Variants in PAPPA2 observed in about 807,000 individuals in gnomAD.
PAPPA2 encodes pappalysin 2.
A neutral mutation model predicts 176.4 loss-of-function variants in PAPPA2; 86 were observed. That is an observed-to-expected ratio of 0.49 (90% CI 0.41 to 0.58). The LOEUF (loss-of-function observed/expected upper bound fraction) is 0.58, where lower values mean the gene tolerates loss of function less well. PAPPA2 is among the 20% of genes least tolerant of loss of function. The probability of loss-of-function intolerance (pLI) is 0.00; values close to 1 mark genes in which losing one functional copy is unlikely to be tolerated. For synonymous variants in PAPPA2, 809 were observed against 852.2 expected (o/e 0.95, Z 0.88); for missense variants, 2,073 against 2,256.9 (o/e 0.92, Z 1.65).
intron 21 of PAPPA2, among the ~76,000 whole-genome samples, chr1:176,828,831 G>A (rs1366569364): frequency 1.7e-4 from 26 of 151,710 alleles, no homozygotes; most frequent in East Asian, 3.9e-4. Flanking sequence ...GTGAAACCCC[G>A]TCTCTACTAA....
At chr1:176,728,614 C>A (rs774244947) in intron 12 of PAPPA2, among the ~76,000 whole-genome samples, 2 of 151,616 alleles carry the variant, frequency 1.3e-5, no homozygotes, top group Admixed American at 6.6e-5. Flanking sequence ...TCCCATAATC[C>A]CAATAAAATC....
At chr1:176,656,246 C>G (rs1305775209) in intron 3 of PAPPA2, among the ~76,000 whole-genome samples, 2 of 151,800 alleles carry the variant, frequency 1.3e-5, no homozygotes, top group Admixed American at 6.6e-5. Flanking sequence ...CATTGCTTCC[C>G]TCTCCTAGGT....
chr1:176,713,051 T>A (rs1305479881), intron 12 of PAPPA2, among the ~76,000 whole-genome samples: 1 of 152,232 alleles, frequency 6.6e-6, no homozygotes, highest in Non-Finnish European at 1.5e-5. Context: ...TATTTCATCA[T>A]AATTATATGC....
intron 3 of PAPPA2, among the ~76,000 whole-genome samples, chr1:176,659,422 T>A (rs925319990): frequency 6.6e-6 from 1 of 152,064 alleles, no homozygotes; most frequent in Non-Finnish European, 1.5e-5. Context: ...TGTCCCTGTG[T>A]CCAAATTTCC....
chr1:176,670,840 C>A, intron 3 of PAPPA2, 130 bp from the exon 4 acceptor site: 2 of 1,130,488 alleles, frequency 1.8e-6, no homozygotes, highest in Non-Finnish European at 2.5e-6. Context: ...ACAGGCTGGT[C>A]TCTGCCCCAT....
intron 12 of PAPPA2, among the ~76,000 whole-genome samples, chr1:176,715,344 A>C (rs1006557740): frequency 5.3e-5 from 8 of 152,206 alleles, no homozygotes; most frequent in Non-Finnish European, 1.0e-4. Flanking sequence ...ACAGGGGAAA[A>C]GCAACTGCCT....
chr1:176,564,721 T>C lies in PAPPA2; in HGVS notation c.919+7480T>C, dbSNP rs1322871279. On this transcript the variant is annotated intron_variant, in intron 2 of 22. Transcript: ENST00000367662. ...GAGTTTATATTTATTTCTTTCCTTT[T>C]CTTTTTTTTTTTTTTTTTAGAAAAA... Among the ~76,000 whole-genome samples the C allele has an allele frequency of 2.2e-5, 3 of 133,520 alleles. No homozygotes were observed. The East Asian group carries it at 5.9e-4, about 26-fold the overall frequency. The allele number at this position is 133,520 out of a possible 152,430, so 87.6% of individuals were successfully genotyped here.
intron 1 of PAPPA2, among the ~76,000 whole-genome samples, chr1:176,493,276 A>G (rs1032869442): frequency 9.9e-5 from 15 of 152,170 alleles, no homozygotes; most frequent in Non-Finnish European, 2.9e-5. Flanking sequence ...TTCAAGGGCA[A>G]TCACTTTCAA....
At chr1:176,629,725 G>C (rs1176460800) in intron 3 of PAPPA2, among the ~76,000 whole-genome samples, 3 of 152,136 alleles carry the variant, frequency 2.0e-5, no homozygotes, top group Non-Finnish European at 2.9e-5. Flanking sequence ...TAATAAACAA[G>C]TGTATATTGA....
At chr1:176,464,139 C>A (rs557623978) in intron 1 of PAPPA2, among the ~76,000 whole-genome samples, 1 of 152,180 alleles carries the variant, frequency 6.6e-6, no homozygotes, top group African/African-American at 2.4e-5. Flanking sequence ...GACAACAGGA[C>A]AGTGTAGTTT....
intron 1 of PAPPA2, among the ~76,000 whole-genome samples, chr1:176,484,679 T>C (rs1201157940): frequency 6.6e-6 from 1 of 152,230 alleles, no homozygotes; most frequent in African/African-American, 2.4e-5. Context: ...GTTTTTGATT[T>C]CTAGCATTTC....
rs746966389 is a variant in PAPPA2 at position 176,739,983 on chromosome 1, C to A, written c.3938C>A (p.Thr1313Asn). ...ATTCATCTCCGTTTATCTTCAGGAA[C>A]CTATGGACTGTCATGCCAGCATAAT... Reference protein sequence around the residue: ...DVRGSNHSLGTYGLSCQHNPL... With the variant: ...DVRGSNHSLGNYGLSCQHNPL... The change falls in exon 14 of 23, where the codon ACC (threonine) becomes AAC (asparagine). Residue 1313 changes from threonine (T) to asparagine (N), a missense_variant. Physicochemically the swap from Thr to Asn is moderately conservative, Grantham distance 65. Transcript: ENST00000367662. 6.2e-6 allele frequency: 10 copies of A among 1,613,730 alleles called. No individual in the cohort carries two copies. The East Asian group carries it at 2.2e-4, about 36-fold the overall frequency.
intron 1 of PAPPA2, among the ~76,000 whole-genome samples, chr1:176,534,536 C>T (rs999634088): frequency 6.6e-6 from 1 of 152,172 alleles, no homozygotes; most frequent in Non-Finnish European, 1.5e-5. Flanking sequence ...ATAATGAACA[C>T]ATTTGAAGAT....
chr1:176,723,072 G>A (rs1456297152), intron 12 of PAPPA2, among the ~76,000 whole-genome samples: 2 of 152,164 alleles, frequency 1.3e-5, no homozygotes, highest in African/African-American at 4.8e-5. Context: ...CCTTCTTGCT[G>A]CATCAAAACA....
intron 3 of PAPPA2, among the ~76,000 whole-genome samples, chr1:176,631,585 C>G (rs1656341125): frequency 6.6e-6 from 1 of 152,038 alleles, no homozygotes; most frequent in Non-Finnish European, 1.5e-5. Context: ...TAAAATCAAA[C>G]TGCAGTAATG....
At chr1:176,752,199 G>C (rs1469275500) in intron 14 of PAPPA2, among the ~76,000 whole-genome samples, 1 of 129,386 alleles carries the variant, frequency 7.7e-6, no homozygotes, top group African/African-American at 3.0e-5. Flanking sequence ...TGGTGGGGTC[G>C]GGGGAGGGGG....
intron 3 of PAPPA2, among the ~76,000 whole-genome samples, chr1:176,632,004 G>A (rs888959388): frequency 1.3e-5 from 2 of 152,134 alleles, no homozygotes; most frequent in Non-Finnish European, 2.9e-5. Context: ...TTGTAGCCTA[G>A]AAGTAGCAAG....
At chr1:176,484,904 C>A (rs920067318) in intron 1 of PAPPA2, among the ~76,000 whole-genome samples, 1 of 152,324 alleles carries the variant, frequency 6.6e-6, no homozygotes, top group African/African-American at 2.4e-5. Context: ...TCACTTCTTT[C>A]CTGCCCCAGC....
At chr1:176,471,092 A>G (rs566347049) in intron 1 of PAPPA2, among the ~76,000 whole-genome samples, 14 of 152,292 alleles carry the variant, frequency 9.2e-5, no homozygotes, top group Non-Finnish European at 2.9e-5. Flanking sequence ...CAAGAAGAAC[A>G]CAGGAAGGGA....
Sources: gnomAD v4.1 joint callset for allele counts (sites outside exome capture counted in the v4.1 genomes callset) on GRCh38, gnomAD v4.1.1 for gene constraint, MANE v1.5 for transcripts, NCBI Gene and HGNC (gene_info 2026-07-23, HGNC 2026-07-21) for gene names.